Variants in FAT3 observed in about 807,000 individuals in gnomAD.
FAT3 encodes FAT atypical cadherin 3, also known as protocadherin Fat 3.
Under a neutral mutation model 310.2 loss-of-function variants are expected in FAT3, and 95 were observed. The ratio of observed to expected loss-of-function variants is 0.31; its 90% CI spans 0.26 to 0.36. The LOEUF (loss-of-function observed/expected upper bound fraction) is 0.36. Ranked by LOEUF, FAT3 falls within the 10% of genes least tolerant of loss-of-function variation. FAT3 has a pLI of 1.00. For missense variants in FAT3, 5,408 were observed against 5,715.6 expected (o/e 0.95, Z 1.74); for synonymous variants, 2,314 against 2,192.9 (o/e 1.06, Z -1.54).
rs1409329597 is a variant in FAT3 at position 92,225,047 on chromosome 11, G to C, written c.-145G>C. Among the ~76,000 whole-genome samples the C allele has an allele frequency of 3.3e-5, 5 of 152,130 alleles. No homozygotes were observed. Among genetic ancestry groups the C allele is most frequent in the Admixed American group, 3.3e-4 (5 of 15,278 alleles). On this transcript the variant is annotated 5_prime_UTR_variant, in exon 1 of 28. Transcript: ENST00000525166. ...GCTCGCGGCCTCAGTCCCGGCTAGC[G>C]CGCGGTGGGCGCTGCGGCGGCAGCA...
intron 3 of FAT3, among the ~76,000 whole-genome samples, chr11:92,688,434 T>C (rs1368141891): frequency 6.6e-6 from 1 of 152,102 alleles, no homozygotes; most frequent in Admixed American, 6.6e-5. Context: ...AAGTAATTAC[T>C]ATAACCCCAT....
intron 2 of FAT3, among the ~76,000 whole-genome samples, chr11:92,506,328 T>C (rs886195167): frequency 6.6e-6 from 1 of 152,150 alleles, no homozygotes; most frequent in Non-Finnish European, 1.5e-5. Context: ...TTTCCTCTTT[T>C]CTCTTTGCTG....
intron 1 of FAT3, chr11:92,335,886 C>A: frequency 3.9e-6 from 1 of 257,864 alleles, no homozygotes; most frequent in South Asian, 4.8e-5. Context: ...ACAGACACAA[C>A]AAAGTCCAAA....
chr11:92,782,453 C>T (rs1946777349), intron 7 of FAT3, among the ~76,000 whole-genome samples: 1 of 152,096 alleles, frequency 6.6e-6, no homozygotes, highest in Admixed American at 6.5e-5. Context: ...TGGCACACAC[C>T]TATAGTCCCA....
chr11:92,639,076 A>T (rs753167519), intron 3 of FAT3, among the ~76,000 whole-genome samples: 1 of 152,216 alleles, frequency 6.6e-6, no homozygotes, highest in Non-Finnish European at 1.5e-5. Context: ...TAATGCTAAC[A>T]GCTAGAGGCA....
chr11:92,810,623 A>G (rs1947642691), intron 13 of FAT3, among the ~76,000 whole-genome samples: 1 of 152,194 alleles, frequency 6.6e-6, no homozygotes. Context: ...TTTTTGTCAC[A>G]TATAAACTGA....
intron 22 of FAT3, among the ~76,000 whole-genome samples, chr11:92,876,805 A>G (rs377673583): frequency 1.3e-5 from 2 of 152,350 alleles, no homozygotes; most frequent in Admixed American, 1.3e-4. Flanking sequence ...CCATAAGAGC[A>G]TATGTTCATT....
intron 2 of FAT3, among the ~76,000 whole-genome samples, chr11:92,439,892 G>T (rs1480812725): frequency 6.6e-6 from 1 of 151,704 alleles, no homozygotes; most frequent in East Asian, 1.9e-4. Context: ...CTCCATCCTG[G>T]ATGAGAGAGT....
intron 2 of FAT3, among the ~76,000 whole-genome samples, chr11:92,414,721 GA>G (rs1950368863): frequency 6.6e-6 from 1 of 152,098 alleles, no homozygotes; most frequent in African/African-American, 2.4e-5. Context: ...TTAAAAATCT[GA>G]AGAATAGGCC....
intron 2 of FAT3, chr11:92,366,832 G>T: frequency 3.7e-6 from 2 of 534,368 alleles, no homozygotes; most frequent in Middle Eastern, 3.3e-4. Context: ...CTGCATACCT[G>T]CCATCCTTAC....
intron 2 of FAT3, among the ~76,000 whole-genome samples, chr11:92,436,931 G>T (rs553532778): frequency 6.6e-6 from 1 of 152,260 alleles, no homozygotes; most frequent in African/African-American, 2.4e-5. Flanking sequence ...AGAAATTTTA[G>T]TCTTCCATGA....
At chr11:92,409,986 A>G (rs1437983753) in intron 2 of FAT3, among the ~76,000 whole-genome samples, 1 of 152,180 alleles carries the variant, frequency 6.6e-6, no homozygotes, top group Non-Finnish European at 1.5e-5. Context: ...GAAGAAGTAA[A>G]TAAGAAGTAT....
In FAT3 at chr11:92,442,082, TA is replaced by T. The variant is rs1307004584; in HGVS notation, c.3293-82551del. Among the ~76,000 whole-genome samples the T allele has an allele frequency of 2.3e-3, 148 of 63,030 alleles. 2 individuals are homozygous for T. The highest frequency in any genetic ancestry group is 0.012 in the African/African-American group (120 of 10,002). The allele number at this position is 63,030 out of a possible 152,430, so 41.4% of individuals were successfully genotyped here. A position where few individuals can be genotyped will look rare whatever the true frequency, so the allele number is the denominator to read the frequency against. On this transcript the variant is annotated intron_variant, in intron 2 of 27. Coordinates refer to ENST00000525166, the MANE Select transcript of FAT3 (RefSeq NM_001367949.2). ...TGCAAAACTTAAGAAATATATATTT[TA>T]TATATATATATATATATATATATAT...
chr11:92,371,130 A>G (rs1949174789), intron 2 of FAT3, among the ~76,000 whole-genome samples: 1 of 152,246 alleles, frequency 6.6e-6, no homozygotes, highest in African/African-American at 2.4e-5. Context: ...ATAACCCCGT[A>G]AATCAGGCAG....
intron 2 of FAT3, among the ~76,000 whole-genome samples, chr11:92,459,891 T>A (rs538342843): frequency 2.6e-5 from 4 of 152,296 alleles, no homozygotes; most frequent in Admixed American, 2.6e-4. Flanking sequence ...TTTGCATGCC[T>A]TATATACATT....
chr11:92,606,574 G>C (rs183839498), intron 3 of FAT3, among the ~76,000 whole-genome samples: 1 of 152,122 alleles, frequency 6.6e-6, no homozygotes. Context: ...AATGATAAAA[G>C]CACTCTCATT....
intron 2 of FAT3, among the ~76,000 whole-genome samples, chr11:92,383,002 C>T (rs1949535736): frequency 1.3e-5 from 2 of 152,186 alleles, no homozygotes; most frequent in African/African-American, 4.8e-5. Context: ...CAGCCCCTGC[C>T]TACAAGCCTC....
intron 1 of FAT3, among the ~76,000 whole-genome samples, chr11:92,258,785 G>A (rs1480190373): frequency 2.0e-5 from 3 of 152,076 alleles, no homozygotes; most frequent in Non-Finnish European, 4.4e-5. Flanking sequence ...GTTAGAGAAA[G>A]AGATGCAGTA....
At chr11:92,584,483 C>G (rs557629132) in intron 3 of FAT3, among the ~76,000 whole-genome samples, 1 of 151,882 alleles carries the variant, frequency 6.6e-6, no homozygotes, top group Non-Finnish European at 1.5e-5. Context: ...TTTTTTTCCC[C>G]CCCTTTTCAT....
Sources: allele counts gnomAD v4.1 joint callset (sites outside exome capture counted in the v4.1 genomes callset), GRCh38; gene constraint gnomAD v4.1.1; transcripts MANE v1.5; gene names NCBI Gene and HGNC (gene_info 2026-07-23, HGNC 2026-07-21).